The following TLE4 variants were observed in gnomAD, a reference collection of about 807,000 sequenced individuals.
TLE4 encodes transducin-like enhancer protein 4.
Under a neutral mutation model 92.8 loss-of-function variants are expected in TLE4, and 8 were observed. That is an observed-to-expected ratio of 0.09 (90% CI 0.05 to 0.16). The LOEUF is 0.16. Ranked by LOEUF, TLE4 falls within the 10% of genes least tolerant of loss-of-function variation. TLE4 has a pLI of 1.00. For synonymous variants in TLE4, 371 were observed against 374.1 expected, an observed-to-expected ratio of 0.99 and a Z score of 0.10; for missense variants, 675 against 997.6, an observed-to-expected ratio of 0.68 and a Z score of 4.36.
rs188736679 is a variant in TLE4 at position 79,664,004 on chromosome 9, G to A, written c.609+9929G>A. 5.9e-5 allele frequency among the ~76,000 whole-genome samples: 9 copies of A among 152,318 alleles called. No individual in the cohort carries two copies. In the East Asian group the frequency reaches 1.5e-3, roughly 26 times the overall value. On this transcript the variant is annotated intron_variant, in intron 8 of 19. Transcript: ENST00000376552. Reference sequence around the variant, plus strand: ...CGTTGCCCTAGCAACGGGCCACGGGGCACAGTGTATGTGAAATGCATGAAC... The same window carrying A: ...CGTTGCCCTAGCAACGGGCCACGGGACACAGTGTATGTGAAATGCATGAAC...
At chr9:79,685,004 C>T (rs928812506) in intron 8 of TLE4, among the ~76,000 whole-genome samples, 2 of 152,106 alleles carry the variant, frequency 1.3e-5, no homozygotes, top group African/African-American at 4.8e-5. Flanking sequence ...TGGTTGGGCC[C>T]GTGTGCATGC....
intron 8 of TLE4, among the ~76,000 whole-genome samples, chr9:79,700,719 C>T (rs1364833348): frequency 6.6e-6 from 1 of 152,158 alleles, no homozygotes; most frequent in African/African-American, 2.4e-5. Context: ...AATATCCCAG[C>T]ATAAGTGTTT....
chr9:79,710,328 G>A (rs1469643591), intron 14 of TLE4, among the ~76,000 whole-genome samples: 1 of 152,146 alleles, frequency 6.6e-6, no homozygotes, highest in African/African-American at 2.4e-5. Flanking sequence ...CATCTTCCCA[G>A]AAACAAAGAT....
At chr9:79,640,295 C>T (rs1178579216) in intron 6 of TLE4, among the ~76,000 whole-genome samples, 1 of 152,048 alleles carries the variant, frequency 6.6e-6, no homozygotes, top group Non-Finnish European at 1.5e-5. Flanking sequence ...AACGAAGAAA[C>T]AGGTTAAACC....
At chr9:79,601,865 A>G (rs1015479209) in intron 4 of TLE4, among the ~76,000 whole-genome samples, 3 of 152,246 alleles carry the variant, frequency 2.0e-5, no homozygotes, top group Non-Finnish European at 2.9e-5. Flanking sequence ...TCGAAAGCCA[A>G]TGAGCCAAAA....
At chr9:79,613,902 A>G (rs982117221) in intron 5 of TLE4, among the ~76,000 whole-genome samples, 5 of 151,986 alleles carry the variant, frequency 3.3e-5, no homozygotes, top group Non-Finnish European at 7.4e-5. Flanking sequence ...TCTTGTTGAC[A>G]CTCTGAATTC....
At chr9:79,678,561 C>T (rs1450221892) in intron 8 of TLE4, among the ~76,000 whole-genome samples, 2 of 151,722 alleles carry the variant, frequency 1.3e-5, no homozygotes, top group African/African-American at 2.4e-5. Context: ...ATCACCTGAA[C>T]GTTGCTTTAG....
At chr9:79,588,750 T>G (rs2132241372) in intron 4 of TLE4, among the ~76,000 whole-genome samples, 1 of 152,274 alleles carries the variant, frequency 6.6e-6, no homozygotes, top group South Asian at 2.1e-4. Flanking sequence ...ACTGTAAACT[T>G]TTGAGTGCCT....
At chr9:79,575,993 T>G (rs1234764653) in intron 3 of TLE4, 140 bp from the exon 4 acceptor site, 2 of 486,352 alleles carry the variant, frequency 4.1e-6, no homozygotes, top group African/African-American at 2.0e-5. Context: ...GGCTCTTGAT[T>G]TATTGGCATA....
intron 8 of TLE4, among the ~76,000 whole-genome samples, chr9:79,681,370 T>C (rs1380040574): frequency 6.6e-6 from 1 of 152,166 alleles, no homozygotes; most frequent in Non-Finnish European, 1.5e-5. Flanking sequence ...TAAAAATAGC[T>C]GTTATATATT....
chr9:79,612,812 G>T, intron 5 of TLE4, 94 bp downstream of exon 5: 2 of 1,013,232 alleles, frequency 2.0e-6, no homozygotes, highest in Non-Finnish European at 3.1e-6. Flanking sequence ...GGCCTTGCCA[G>T]TCTCTTGGTG....
intron 6 of TLE4, among the ~76,000 whole-genome samples, chr9:79,651,490 T>G (rs547385551): frequency 6.6e-6 from 1 of 152,270 alleles, no homozygotes; most frequent in East Asian, 1.9e-4. Context: ...TAAACTCTTG[T>G]CAGCGCAGTT....
At chr9:79,632,933 C>T (rs2054698914) in intron 6 of TLE4, among the ~76,000 whole-genome samples, 2 of 152,158 alleles carry the variant, frequency 1.3e-5, no homozygotes, top group Non-Finnish European at 2.9e-5. Context: ...GATGCACTCA[C>T]TTGGAGGGCT....
intron 8 of TLE4, among the ~76,000 whole-genome samples, chr9:79,702,279 A>G (rs2070153911): frequency 6.6e-6 from 1 of 152,168 alleles, no homozygotes; most frequent in South Asian, 2.1e-4. Context: ...CTGTCCTTTT[A>G]AAAGAGGAGT....
chr9:79,672,906 G>A (rs554996469), intron 8 of TLE4, among the ~76,000 whole-genome samples: 1 of 152,290 alleles, frequency 6.6e-6, no homozygotes, highest in South Asian at 2.1e-4. Context: ...TTAGAGTTAT[G>A]TTAAAGAAAC....
At chr9:79,676,617 G>A (rs2063302516) in intron 8 of TLE4, among the ~76,000 whole-genome samples, 1 of 152,064 alleles carries the variant, frequency 6.6e-6, no homozygotes, top group South Asian at 2.1e-4. Context: ...AAAATATGTG[G>A]AAAGAGAGAA....
chr9:79,614,977 T>A (rs2133144731), intron 5 of TLE4, among the ~76,000 whole-genome samples: 1 of 152,206 alleles, frequency 6.6e-6, no homozygotes, highest in East Asian at 1.9e-4. Flanking sequence ...TTCTTTTGCT[T>A]ACTTTAGATT....
At chr9:79,619,480 G>T (rs7029276) in intron 5 of TLE4, among the ~76,000 whole-genome samples, 14,806 of 152,252 alleles carry the variant, frequency 0.097, 831 homozygotes, top group African/African-American at 0.14. Flanking sequence ...ACTGGTGGAA[G>T]TGTTATCGCC....
intron 1 of TLE4, 25 bp downstream of exon 1, chr9:79,572,860 G>T: frequency 6.9e-6 from 11 of 1,591,368 alleles, no homozygotes; most frequent in Non-Finnish European, 8.6e-6. Context: ...CGGGGCGCGG[G>T]CTCGCCGGGT....
Sources: gnomAD v4.1 joint callset for allele counts (sites outside exome capture counted in the v4.1 genomes callset) on GRCh38, gnomAD v4.1.1 for gene constraint, MANE v1.5 for transcripts, NCBI Gene and HGNC (gene_info 2026-07-23, HGNC 2026-07-21) for gene names.